Variants in SOX5 observed in about 807,000 individuals in gnomAD.
SOX5 encodes the protein transcription factor SOX-5.
SOX5 carries 9 observed loss-of-function variants against 92.0 expected under a neutral mutation model. That is an observed-to-expected ratio of 0.10 (90% CI 0.06 to 0.17). The LOEUF (loss-of-function observed/expected upper bound fraction) is 0.17. Ranked by LOEUF, SOX5 falls within the 10% of genes least tolerant of loss-of-function variation. The pLI is 1.00. For missense variants in SOX5, 642 were observed against 944.5 expected (o/e 0.68, Z 4.20); for synonymous variants, 344 against 336.3 (o/e 1.02, Z -0.25).
chr12:24,177,074 G>C (rs1205856370), intron 4 of SOX5, among the ~76,000 whole-genome samples: 1 of 147,882 alleles, frequency 6.8e-6, no homozygotes, highest in Non-Finnish European at 1.5e-5. Context: ...TGTTGTGTTT[G>C]AAATACATCT....
chr12:24,061,411 T>C (rs1939674260), intron 4 of SOX5, among the ~76,000 whole-genome samples: 1 of 150,882 alleles, frequency 6.6e-6, no homozygotes, highest in African/African-American at 2.5e-5. Context: ...TGTATCCACT[T>C]TGTAGTCACA....
chr12:24,269,688 C>CTTTTTTTT (rs58098308), intron 3 of SOX5, among the ~76,000 whole-genome samples: 2 of 116,756 alleles, frequency 1.7e-5, no homozygotes, highest in East Asian at 2.4e-4. Context: ...TATTTTTATT[C>CTTTTTTTT]TTTTTTTTTT....
At chr12:24,208,152 C>T (rs1031796049) in intron 4 of SOX5, among the ~76,000 whole-genome samples, 2 of 152,148 alleles carry the variant, frequency 1.3e-5, no homozygotes, top group Non-Finnish European at 2.9e-5. Context: ...TTACCACTCA[C>T]GCCTGACTTT....
intron 3 of SOX5, among the ~76,000 whole-genome samples, chr12:24,268,162 C>G (rs1943256608): frequency 6.6e-6 from 1 of 152,066 alleles, no homozygotes; most frequent in Non-Finnish European, 1.5e-5. Context: ...TAAAACTCTC[C>G]CAGTGAATTA....
intron 1 of SOX5, among the ~76,000 whole-genome samples, chr12:23,907,213 G>C (rs886124656): frequency 6.6e-6 from 1 of 152,126 alleles, no homozygotes; most frequent in Non-Finnish European, 1.5e-5. Flanking sequence ...CGTGCAGAGA[G>C]AGAGAGACAA....
At chr12:24,484,970 AC>A (rs1319340042) in intron 1 of SOX5, among the ~76,000 whole-genome samples, 8 of 152,282 alleles carry the variant, frequency 5.3e-5, no homozygotes, top group African/African-American at 1.9e-4. Context: ...GCGGTCAGAA[AC>A]TCTGAGGGCT....
At chr12:24,010,657 G>A (rs7306429) in intron 4 of SOX5, among the ~76,000 whole-genome samples, 55,549 of 152,024 alleles carry the variant, frequency 0.37, 10,644 homozygotes, top group East Asian at 0.61. Context: ...ATTCTAGGCC[G>A]GGTGCTGTGG....
chr12:23,888,929 C>G (rs2097099990), intron 2 of SOX5, among the ~76,000 whole-genome samples: 1 of 152,290 alleles, frequency 6.6e-6, no homozygotes, highest in East Asian at 1.9e-4. Context: ...CTATCTCCTA[C>G]AGAAACAACA....
At chr12:23,665,345 A>G in intron 7 of SOX5, 99 bp downstream of exon 7, 1 of 1,287,868 alleles carries the variant, frequency 7.8e-7, no homozygotes, top group Non-Finnish European at 1.1e-6. Flanking sequence ...AAAATGCTAT[A>G]TGGGTGATCT....
At chr12:23,986,954 C>T (rs1276672553) in intron 4 of SOX5, among the ~76,000 whole-genome samples, 2 of 152,100 alleles carry the variant, frequency 1.3e-5, no homozygotes, top group Non-Finnish European at 2.9e-5. Context: ...ATCACTTTCA[C>T]TCTGTTAGAA....
intron 9 of SOX5, chr12:23,584,727 G>T: frequency 1.6e-6 from 1 of 637,280 alleles, no homozygotes; most frequent in Non-Finnish European, 2.8e-6. Context: ...AAGGACAGGT[G>T]TGAGTGTGTG....
At chr12:23,554,840 A>AATCT (rs750752874) in intron 11 of SOX5, among the ~76,000 whole-genome samples, 3 of 152,162 alleles carry the variant, frequency 2.0e-5, no homozygotes, top group African/African-American at 4.8e-5. Flanking sequence ...CATAATAAAG[A>AATCT]ATCTATCTAC....
intron 3 of SOX5, among the ~76,000 whole-genome samples, chr12:24,269,174 G>A (rs1943383387): frequency 6.6e-6 from 1 of 152,086 alleles, no homozygotes; most frequent in Non-Finnish European, 1.5e-5. Flanking sequence ...GGGTGACTGA[G>A]GGAAAAAAGT....
At chr12:23,731,447 G>C (rs2093389662) in intron 6 of SOX5, among the ~76,000 whole-genome samples, 1 of 152,086 alleles carries the variant, frequency 6.6e-6, no homozygotes, top group Non-Finnish European at 1.5e-5. Context: ...GGAGCCCTGA[G>C]TAATATACTG....
At chr12:23,615,878 CAGAG>C (rs2076497190) in intron 8 of SOX5, among the ~76,000 whole-genome samples, 2 of 152,110 alleles carry the variant, frequency 1.3e-5, no homozygotes, top group Admixed American at 1.3e-4. Flanking sequence ...TAAAACCTAT[CAGAG>C]AGACTGTGCA....
intron 1 of SOX5, among the ~76,000 whole-genome samples, chr12:23,946,803 C>T (rs1944666607): frequency 6.6e-6 from 1 of 151,806 alleles, no homozygotes; most frequent in Non-Finnish European, 1.5e-5. Context: ...TTGTGTTTTT[C>T]AGTAATCATA....
chr12:23,986,574 T>C (rs1950083172), intron 4 of SOX5, among the ~76,000 whole-genome samples: 1 of 152,274 alleles, frequency 6.6e-6, no homozygotes, highest in Non-Finnish European at 1.5e-5. Flanking sequence ...AATTTATCAG[T>C]CCATAGAGAA....
intron 2 of SOX5, among the ~76,000 whole-genome samples, chr12:23,850,261 T>C (rs2096617110): frequency 6.6e-6 from 1 of 151,778 alleles, no homozygotes; most frequent in South Asian, 2.1e-4. Context: ...AAACCCCGTC[T>C]CTACTATAAA....
chr12:23,776,321 GAC>G (rs1458832509), intron 3 of SOX5, among the ~76,000 whole-genome samples: 3 of 152,108 alleles, frequency 2.0e-5, no homozygotes, highest in Non-Finnish European at 4.4e-5. Flanking sequence ...GTAGAATTAT[GAC>G]ACAGTTAAAA....
Sources: allele counts gnomAD v4.1 joint callset (sites outside exome capture counted in the v4.1 genomes callset), GRCh38; gene constraint gnomAD v4.1.1; transcripts MANE v1.5; gene names NCBI Gene and HGNC (gene_info 2026-07-23, HGNC 2026-07-21).